SPCS3: variants seen among roughly 807,000 people sequenced by gnomAD.
SPCS3 encodes signal peptidase complex subunit 3.
A neutral mutation model predicts 17.2 loss-of-function variants in SPCS3; 9 were observed. The observed-to-expected ratio is 0.52, with a 90% confidence interval of 0.31 to 0.91. The LOEUF is 0.91. Ranked by LOEUF, SPCS3 falls within the 40% of genes least tolerant of loss-of-function variation. The pLI is 0.04. For synonymous variants in SPCS3, 87 were observed against 89.6 expected (o/e 0.97, Z 0.16); for missense variants, 139 against 217.5 (o/e 0.64, Z 2.27).
intron 4 of SPCS3, 56 bp from the exon 5 acceptor site, chr4:176,328,142 T>A (rs1355146050): frequency 1.1e-5 from 17 of 1,504,886 alleles, no homozygotes; most frequent in Middle Eastern, 3.5e-4. Flanking sequence ...TGTCTTAAAA[T>A]TTTTTTTGAA....
rs1200547321 is a variant in SPCS3 at position 176,331,096 on chromosome 4, T to TTAA, written c.*2767_*2769dup. On this transcript the variant is annotated 3_prime_UTR_variant, in exon 5 of 5. Transcript: ENST00000503362. ...TCGTCAGCCAATTCATAGCTGGGCTTTAAGATTATCATCTTAGAGATGATA... is the reference window on the plus strand; with the variant it reads ...TCGTCAGCCAATTCATAGCTGGGCTTTAATAAGATTATCATCTTAGAGATGATA... 4 of 152,280 alleles carry TTAA rather than the reference T, an allele frequency of 2.6e-5. No individual in the cohort carries two copies. The East Asian group carries it at 7.7e-4, about 29-fold the overall frequency. The allele number at this position is 152,280 out of a possible 1,614,324, so 9.4% of individuals were successfully genotyped here.
intron 4 of SPCS3, among the ~76,000 whole-genome samples, chr4:176,327,571 G>A (rs1731623895): frequency 1.3e-5 from 2 of 152,132 alleles, no homozygotes; most frequent in East Asian, 3.8e-4. Context: ...CAAATCAAAG[G>A]GCTCCTTTCT....
intron 1 of SPCS3, 41 bp downstream of exon 1, chr4:176,320,260 G>C: frequency 7.1e-7 from 1 of 1,405,126 alleles, no homozygotes; most frequent in Non-Finnish European, 9.3e-7. Flanking sequence ...GCCGGGACCG[G>C]GCTGGGGCGG....
intron 1 of SPCS3, 72 bp downstream of exon 1, chr4:176,320,291 C>CGCCGGGGCTGCCGT (rs1055793144): frequency 4.7e-6 from 6 of 1,264,426 alleles, no homozygotes; most frequent in African/African-American, 3.2e-5. Context: ...CGGGCCGCCG[C>CGCCGGGGCTGCCGT]GCCGGGGCTG....
chr4:176,322,485 A>G (rs1348160791), intron 2 of SPCS3, among the ~76,000 whole-genome samples: 1 of 152,190 alleles, frequency 6.6e-6, no homozygotes, highest in Non-Finnish European at 1.5e-5. Context: ...AAATTGATTG[A>G]AAACTACATA....
intron 3 of SPCS3, among the ~76,000 whole-genome samples, chr4:176,325,089 T>C (rs2127001119): frequency 6.7e-6 from 1 of 150,316 alleles, no homozygotes; most frequent in Non-Finnish European, 1.5e-5. Flanking sequence ...CTCGTGCTTG[T>C]AGCCCGGGCT....
At chr4:176,328,160 T>G in intron 4 of SPCS3, 38 bp from the exon 5 acceptor site, 4 of 1,601,252 alleles carry the variant, frequency 2.5e-6, no homozygotes, top group Non-Finnish European at 3.4e-6. Flanking sequence ...GAACTACTAG[T>G]GTCTCTGATG....
At chr4:176,320,711 TTG>T (rs1489926441) in intron 1 of SPCS3, 1 of 152,598 alleles carries the variant, frequency 6.6e-6, no homozygotes, top group Non-Finnish European at 1.5e-5. Context: ...GGGGTTGTCT[TTG>T]TGTCATTCAT....
intron 1 of SPCS3, chr4:176,321,333 A>G (rs923455971): frequency 6.6e-6 from 1 of 152,170 alleles, no homozygotes; most frequent in African/African-American, 2.4e-5. Context: ...AAGTTTTCTT[A>G]CCATTCTGGG....
intron 3 of SPCS3, among the ~76,000 whole-genome samples, chr4:176,326,651 A>G (rs1731611400): frequency 6.6e-6 from 1 of 152,174 alleles, no homozygotes; most frequent in African/African-American, 2.4e-5. Context: ...GAAATCTTGG[A>G]GAAGATTTCT....
chr4:176,328,355 A>G lies in SPCS3; in HGVS notation c.*25A>G. 1 of 1,516,474 alleles carries G rather than the reference A, an allele frequency of 6.6e-7. No individual in the cohort carries two copies. The highest frequency in any genetic ancestry group is 2.4e-5 in the East Asian group (1 of 41,860). 93.9% of individuals were successfully genotyped at this position (1,516,474 alleles called of 1,614,324 possible). On this transcript the variant is annotated 3_prime_UTR_variant, in exon 5 of 5. Coordinates refer to ENST00000503362, the MANE Select transcript of SPCS3 (RefSeq NM_021928.4). ...AATTATTCTGAATTTGAAACAACATATTTTTATACTTAATGAATTGTATCT... is the reference window on the plus strand; with the variant it reads ...AATTATTCTGAATTTGAAACAACATGTTTTTATACTTAATGAATTGTATCT...
rs1332962147 is a variant in SPCS3 at position 176,331,020 on chromosome 4, TG to T, written c.*2693del. ...AATTCCTAAGGGTGTAATAAGAAAG[TG>T]GGTTTTGAGTTTCCTTTCCTGGAAT... On this transcript the variant is annotated 3_prime_UTR_variant, in exon 5 of 5. Coordinates refer to ENST00000503362, the MANE Select transcript of SPCS3 (RefSeq NM_021928.4). 3.3e-5 allele frequency: 5 copies of T among 152,094 alleles called. No individual in the cohort carries two copies. The East Asian group carries it at 9.6e-4, about 29-fold the overall frequency. The allele number at this position is 152,094 out of a possible 1,614,324, so 9.4% of individuals were successfully genotyped here. A position where few individuals can be genotyped will look rare whatever the true frequency, so the allele number is the denominator to read the frequency against.
rs1206755271 is a variant in SPCS3 at position 176,328,868 on chromosome 4, A to G, written c.*538A>G. The stretch of plus-strand genomic sequence containing the variant: ...AGCCAAAAGTGATGGAATTTATTCC[A>G]TTTGTCTTAGGAAGGCCCATAATAC... On this transcript the variant is annotated 3_prime_UTR_variant, in exon 5 of 5. Coordinates refer to ENST00000503362, the MANE Select transcript of SPCS3 (RefSeq NM_021928.4). The G allele has an allele frequency of 6.6e-6, 1 of 152,156 alleles. No homozygotes were observed. Among genetic ancestry groups the G allele is most frequent in the Non-Finnish European group, 1.5e-5 (1 of 67,998 alleles). The allele number at this position is 152,156 out of a possible 1,614,324, so 9.4% of individuals were successfully genotyped here.
chr4:176,322,660 T>C (rs1224757829), intron 2 of SPCS3, among the ~76,000 whole-genome samples: 1 of 152,148 alleles, frequency 6.6e-6, no homozygotes, highest in Non-Finnish European at 1.5e-5. Context: ...GTTTAAAAAG[T>C]GAATTACGTG....
Position 176,324,103 on chromosome 4 carries a change from A to G in SPCS3, c.218-78A>G, listed in dbSNP as rs1731572266. 3 of 757,886 alleles carry G rather than the reference A, an allele frequency of 4.0e-6. No individual in the cohort carries two copies. The South Asian group carries it at 7.2e-5, about 18-fold the overall frequency. 46.9% of individuals were successfully genotyped at this position (757,886 alleles called of 1,614,324 possible). On this transcript the variant is annotated intron_variant, in intron 2 of 4. Transcript: ENST00000503362. ...CTACTTTAGTATTACTGTTATGGAT[A>G]AATAACCTAAGAATAATTAAGATCT...
rs1053603687 is a variant in SPCS3 at position 176,332,116 on chromosome 4, C to T, written c.*3786C>T. The T allele has an allele frequency of 2.0e-5, 3 of 152,240 alleles. No individual in the cohort carries two copies. The highest frequency in any genetic ancestry group is 7.2e-5 in the African/African-American group (3 of 41,420). The allele number at this position is 152,240 out of a possible 1,614,324, so 9.4% of individuals were successfully genotyped here. ...ACACTTAAAATATCTTCTCCAGAGA[C>T]TGTATGCTCCTATACTAGACTGTAA... On this transcript the variant is annotated 3_prime_UTR_variant, in exon 5 of 5. Coordinates refer to ENST00000503362, the MANE Select transcript of SPCS3 (RefSeq NM_021928.4).
chr4:176,326,660 C>G (rs542474046), intron 3 of SPCS3, among the ~76,000 whole-genome samples: 1 of 152,122 alleles, frequency 6.6e-6, no homozygotes, highest in Non-Finnish European at 1.5e-5. Context: ...GAGAAGATTT[C>G]TTATAAATTT....
At chr4:176,321,945 T>A (rs1325214086) in intron 1 of SPCS3, 7 of 351,816 alleles carry the variant, frequency 2.0e-5, no homozygotes, top group African/African-American at 1.5e-4. Context: ...TGAGTTTTGT[T>A]AGGGATTCTC....
chr4:176,327,070 A>G (rs1486201642), intron 3 of SPCS3, 92 bp from the exon 4 acceptor site: 9 of 702,846 alleles, frequency 1.3e-5, no homozygotes, highest in Non-Finnish European at 2.1e-5. Context: ...ATTCATTAAC[A>G]TGTCAAACTA....
Sources: allele counts gnomAD v4.1 joint callset (sites outside exome capture counted in the v4.1 genomes callset), GRCh38; gene constraint gnomAD v4.1.1; transcripts MANE v1.5; gene names NCBI Gene and HGNC (gene_info 2026-07-23, HGNC 2026-07-21).